FYB1: variants seen among roughly 807,000 people sequenced by gnomAD.
The protein encoded by FYB1 is FYN binding protein 1.
Under a neutral mutation model 94.1 loss-of-function variants are expected in FYB1, and 41 were observed. That is an observed-to-expected ratio of 0.44 (90% confidence interval 0.34 to 0.57). The LOEUF is 0.57. Among genes scored for constraint, FYB1 ranks in the 20% least tolerant of loss-of-function variants. The pLI is 0.02. For synonymous variants in FYB1, 367 were observed against 353.2 expected, an observed-to-expected ratio of 1.04 and a Z score of -0.44; for missense variants, 1,050 against 976.8, an observed-to-expected ratio of 1.07 and a Z score of -1.00.
At chr5:39,136,614 A>G (rs1006054480) in intron 7 of FYB1, among the ~76,000 whole-genome samples, 2 of 152,190 alleles carry the variant, frequency 1.3e-5, no homozygotes, top group Non-Finnish European at 2.9e-5. Context: ...TTAAAAGATT[A>G]AGAATCAGCG....
intron 1 of FYB1, among the ~76,000 whole-genome samples, chr5:39,233,608 A>T (rs942553272): frequency 2.6e-5 from 4 of 152,192 alleles, no homozygotes; most frequent in African/African-American, 9.7e-5. Context: ...TATGAAAAAT[A>T]TATTTTCTAA....
rs151244775 is a variant in FYB1, at chr5:39,174,611, A to G, written c.1136-21007T>C. Among the ~76,000 whole-genome samples the G allele has an allele frequency of 5.6e-3, 846 of 152,332 alleles. 13 individuals carry two copies. Among genetic ancestry groups the G allele is most frequent in the African/African-American group, 0.019 (794 of 41,580 alleles). On this transcript the variant is annotated intron_variant, in intron 2 of 18. Coordinates refer to ENST00000512982, the MANE Select transcript of FYB1 (RefSeq NM_001465.6). ...TCCAAGGTCCAGATAAGTTTAATAAATGATTTACTCAAGGACACAAAGCTT... is the reference window on the plus strand; with the variant it reads ...TCCAAGGTCCAGATAAGTTTAATAAGTGATTTACTCAAGGACACAAAGCTT...
At chr5:39,193,641 A>T (rs1244342653) in intron 2 of FYB1, among the ~76,000 whole-genome samples, 3 of 152,152 alleles carry the variant, frequency 2.0e-5, no homozygotes, top group African/African-American at 7.2e-5. Flanking sequence ...GGAGAAGCAA[A>T]CTGTAAGGTG....
At chr5:39,165,441 A>C (rs1186796465) in intron 2 of FYB1, among the ~76,000 whole-genome samples, 3 of 152,220 alleles carry the variant, frequency 2.0e-5, no homozygotes, top group Admixed American at 2.0e-4. Flanking sequence ...TGCCATATGC[A>C]TAAGAATGAA....
chr5:39,188,012 G>A (rs1163119843), intron 2 of FYB1, among the ~76,000 whole-genome samples: 1 of 152,162 alleles, frequency 6.6e-6, no homozygotes, highest in Non-Finnish European at 1.5e-5. Flanking sequence ...AAGAGTCGTT[G>A]ATTACAGGTG....
chr5:39,251,783 AG>A (rs746653935), intron 1 of FYB1, among the ~76,000 whole-genome samples: 2 of 152,146 alleles, frequency 1.3e-5, no homozygotes, highest in Non-Finnish European at 2.9e-5. Flanking sequence ...GGAAGGAATG[AG>A]GGACACTAGT....
At chr5:39,151,705 A>G (rs1743267132) in intron 3 of FYB1, among the ~76,000 whole-genome samples, 1 of 152,230 alleles carries the variant, frequency 6.6e-6, no homozygotes, top group Non-Finnish European at 1.5e-5. Flanking sequence ...GGCTCAAAAA[A>G]TACTTGTTGC....
At chr5:39,124,231 AC>A in intron 13 of FYB1, 21 bp downstream of exon 13, 1 of 1,521,520 alleles carries the variant, frequency 6.6e-7, no homozygotes, top group Non-Finnish European at 8.9e-7. Flanking sequence ...TACAGAACAT[AC>A]AATCAGTTTT....
At chr5:39,119,816 C>G (rs1725994313) in intron 14 of FYB1, among the ~76,000 whole-genome samples, 182 bp from the exon 15 acceptor site, 1 of 151,926 alleles carries the variant, frequency 6.6e-6, no homozygotes, top group Non-Finnish European at 1.5e-5. Context: ...GGAGGGTTTC[C>G]TCAAGCAAAT....
chr5:39,173,025 A>G (rs77513842), intron 2 of FYB1, among the ~76,000 whole-genome samples: 199 of 152,310 alleles, frequency 1.3e-3, no homozygotes, highest in African/African-American at 4.5e-3. Context: ...GGAGTCTCCA[A>G]GCTACTTTCC....
At chr5:39,153,101 A>G in intron 3 of FYB1, among the ~76,000 whole-genome samples, 1 of 152,214 alleles carries the variant, frequency 6.6e-6, no homozygotes, top group East Asian at 1.9e-4. Context: ...AGTGGTGGTG[A>G]TCGTGATAGT....
intron 1 of FYB1, among the ~76,000 whole-genome samples, chr5:39,226,005 A>T (rs1016078955): frequency 3.9e-5 from 6 of 152,258 alleles, no homozygotes; most frequent in Middle Eastern, 3.4e-3. Flanking sequence ...CAGGCCTCTC[A>T]TGGGTCCCTG....
chr5:39,138,432 T>G, intron 6 of FYB1: 1 of 380,236 alleles, frequency 2.6e-6, no homozygotes, highest in East Asian at 4.5e-5. Flanking sequence ...CTCAGAGGCA[T>G]GTCTCTGGCC....
intron 2 of FYB1, among the ~76,000 whole-genome samples, chr5:39,191,565 T>C (rs1012593212): frequency 2.0e-5 from 3 of 152,254 alleles, no homozygotes; most frequent in African/African-American, 7.2e-5. Flanking sequence ...TAGATGTTTT[T>C]TTCTACCTTT....
At chr5:39,118,281 C>T (rs752268544) in intron 16 of FYB1, among the ~76,000 whole-genome samples, 4 of 152,062 alleles carry the variant, frequency 2.6e-5, no homozygotes, top group Admixed American at 1.3e-4. Flanking sequence ...TAGTATGTTG[C>T]ACTAAGTGTG....
At position 39,232,836 on chromosome 5, in the gene FYB1, C is replaced by A. The variant is rs188241516; in HGVS notation, c.-27-29849G>T. ...TGCAGTGTTTGGCTTTTTGTTCTTG[C>A]GATAGTTTACTGAGAATGATGATTT... On this transcript the variant is annotated intron_variant, in intron 1 of 1. Coordinates refer to the FYB1 transcript ENST00000510188. 1.1e-4 allele frequency among the ~76,000 whole-genome samples: 17 copies of A among 151,044 alleles called. 1 individual carries two copies. Among genetic ancestry groups the A allele is most frequent in the African/African-American group, 3.9e-4 (16 of 41,150 alleles).
At chr5:39,214,036 A>C (rs1237488675) in intron 1 of FYB1, among the ~76,000 whole-genome samples, 1 of 152,236 alleles carries the variant, frequency 6.6e-6, no homozygotes, top group African/African-American at 2.4e-5. Flanking sequence ...CGTTAGTTCA[A>C]AGAACAACAA....
At chr5:39,171,343 A>G (rs565987299) in intron 2 of FYB1, among the ~76,000 whole-genome samples, 2 of 152,242 alleles carry the variant, frequency 1.3e-5, no homozygotes, top group East Asian at 3.9e-4. Context: ...CTATTATAGT[A>G]TAGAACAGTA....
intron 1 of FYB1, among the ~76,000 whole-genome samples, chr5:39,272,873 T>C (rs1263219341): frequency 2.0e-5 from 3 of 152,224 alleles, no homozygotes; most frequent in African/African-American, 7.2e-5. Flanking sequence ...CAAGTTGTGC[T>C]TATTTCCAAA....
Sources: gnomAD v4.1 joint callset for allele counts (sites outside exome capture counted in the v4.1 genomes callset) on GRCh38, gnomAD v4.1.1 for gene constraint, MANE v1.5 for transcripts, NCBI Gene and HGNC (gene_info 2026-07-23, HGNC 2026-07-21) for gene names.